KIF2A: variants seen among roughly 807,000 people sequenced by gnomAD.
The protein encoded by KIF2A is kinesin-like protein KIF2A.
In KIF2A, 22 loss-of-function variants were observed where a neutral mutation model predicts 100.2. The ratio of observed to expected loss-of-function variants is 0.22; its 90% CI spans 0.16 to 0.31. The LOEUF is 0.31. KIF2A is among the 10% of genes least tolerant of loss of function. KIF2A has a pLI of 1.00. For missense variants in KIF2A, 495 were observed against 898.7 expected (o/e 0.55, Z 5.74); for synonymous variants, 268 against 285.9 (o/e 0.94, Z 0.63).
At chr5:62,351,106 C>T (rs1747832008) in intron 4 of KIF2A, among the ~76,000 whole-genome samples, 2 of 151,804 alleles carry the variant, frequency 1.3e-5, no homozygotes, top group African/African-American at 2.4e-5. Context: ...GTGACACATA[C>T]CTGTAGTCTC....
intron 1 of KIF2A, among the ~76,000 whole-genome samples, chr5:62,321,355 G>C (rs950621672): frequency 3.3e-5 from 5 of 152,032 alleles, no homozygotes; most frequent in African/African-American, 1.2e-4. Flanking sequence ...TTCAAAAGTG[G>C]CTATATTATT....
chr5:62,389,532 A>G lies in KIF2A; in HGVS notation c.*3963A>G, dbSNP rs190295071. Among the ~76,000 whole-genome samples, 56 of 150,612 alleles carry G rather than the reference A, an allele frequency of 3.7e-4. No homozygotes were observed. The highest frequency in any genetic ancestry group is 1.3e-4 in the Non-Finnish European group (9 of 67,830). On this transcript the variant is annotated 3_prime_UTR_variant, in exon 21 of 21. Transcript: ENST00000407818. ...GTTATTGTCTGACTAAATTTATAAGATATGTATTGGTTAAAACCATGCCAT... is the reference window on the plus strand; with the variant it reads ...GTTATTGTCTGACTAAATTTATAAGGTATGTATTGGTTAAAACCATGCCAT...
chr5:62,349,072 C>T (rs1298779467), intron 3 of KIF2A, among the ~76,000 whole-genome samples: 56 of 152,010 alleles, frequency 3.7e-4, no homozygotes, highest in Non-Finnish European at 2.9e-5. Flanking sequence ...TGAGAGTCAC[C>T]ACTTAGAGGT....
intron 20 of KIF2A, 35 bp downstream of exon 20, chr5:62,381,288 A>G: frequency 6.4e-7 from 1 of 1,574,538 alleles, no homozygotes; most frequent in South Asian, 1.1e-5. Flanking sequence ...TTGAAATCTG[A>G]TTGGTATTGG....
chr5:62,334,266 C>G lies in KIF2A; in HGVS notation c.65-12864C>G, dbSNP rs567875349. 5.3e-5 allele frequency among the ~76,000 whole-genome samples: 8 copies of G among 152,104 alleles called. No homozygotes were observed. In the East Asian group the frequency reaches 1.6e-3, roughly 29 times the overall value. Reference sequence around the variant, plus strand: ...TGACTCACCTGGGCATTAGTGAGGGCCTGAGCCTGGACTTGGGTCCAGGTC... The same window carrying G: ...TGACTCACCTGGGCATTAGTGAGGGGCTGAGCCTGGACTTGGGTCCAGGTC... On this transcript the variant is annotated intron_variant, in intron 1 of 20. Coordinates refer to ENST00000407818, the MANE Select transcript of KIF2A (RefSeq NM_001098511.3).
chr5:62,351,013 C>T (rs182405511), intron 4 of KIF2A, among the ~76,000 whole-genome samples: 6 of 152,106 alleles, frequency 3.9e-5, no homozygotes, highest in African/African-American at 9.6e-5. Flanking sequence ...GGGCAGATAA[C>T]CTGAGGTCAG....
chr5:62,341,514 C>G (rs903233247), intron 1 of KIF2A, among the ~76,000 whole-genome samples: 1 of 151,996 alleles, frequency 6.6e-6, no homozygotes, highest in East Asian at 1.9e-4. Context: ...TGTTGCCAAC[C>G]TAGTCTCAAA....
chr5:62,390,378 C>A lies in KIF2A; in HGVS notation c.*4809C>A, dbSNP rs1045413070. On this transcript the variant is annotated 3_prime_UTR_variant, in exon 21 of 21. Transcript: ENST00000407818. ...GAAGTGTAGAACTTGCTTCAGGCTACAAAACTGTATTATTCCTAAATGGAT... is the reference window on the plus strand; with the variant it reads ...GAAGTGTAGAACTTGCTTCAGGCTAAAAAACTGTATTATTCCTAAATGGAT... Among the ~76,000 whole-genome samples, 25 of 152,038 alleles carry A rather than the reference C, an allele frequency of 1.6e-4. No homozygotes were observed. The highest frequency in any genetic ancestry group is 5.8e-4 in the African/African-American group (24 of 41,376).
intron 1 of KIF2A, among the ~76,000 whole-genome samples, chr5:62,320,661 G>A (rs533786616): frequency 6.6e-6 from 1 of 151,896 alleles, no homozygotes; most frequent in Admixed American, 6.6e-5. Flanking sequence ...CTAAGTTCTG[G>A]TGTTTATCTG....
At chr5:62,323,408 A>G (rs1746208289) in intron 1 of KIF2A, among the ~76,000 whole-genome samples, 1 of 151,982 alleles carries the variant, frequency 6.6e-6, no homozygotes, top group Non-Finnish European at 1.5e-5. Context: ...CTGTAGTCCT[A>G]GCTACTTGGG....
rs1385111481 is a variant in KIF2A, at chr5:62,385,664, G to T, written c.*95G>T. 2 of 817,282 alleles carry T rather than the reference G, an allele frequency of 2.4e-6. No homozygotes were observed. The highest frequency in any genetic ancestry group is 4.0e-6 in the Non-Finnish European group (2 of 501,888). 50.6% of individuals were successfully genotyped at this position (817,282 alleles called of 1,614,324 possible). On this transcript the variant is annotated 3_prime_UTR_variant, in exon 21 of 21. Coordinates refer to ENST00000407818, the MANE Select transcript of KIF2A (RefSeq NM_001098511.3). The stretch of plus-strand genomic sequence containing the variant: ...GCCATTTGAAAGTTTGGAATTTTAA[G>T]TGTCTGTGGAAAATGTTTTGTCCTT...
At chr5:62,338,687 A>T (rs928405239) in intron 1 of KIF2A, among the ~76,000 whole-genome samples, 5 of 152,260 alleles carry the variant, frequency 3.3e-5, no homozygotes, top group Admixed American at 2.6e-4. Context: ...AAAATCCATA[A>T]TGGAAAAACA....
intron 1 of KIF2A, among the ~76,000 whole-genome samples, chr5:62,328,947 C>T (rs575123631): frequency 8.1e-4 from 123 of 152,230 alleles, no homozygotes; most frequent in Admixed American, 3.3e-3. Context: ...TCAACAGATC[C>T]GAAGTTTCCC....
At chr5:62,376,752 T>C (rs756755324) in intron 18 of KIF2A, among the ~76,000 whole-genome samples, 27 of 152,074 alleles carry the variant, frequency 1.8e-4, no homozygotes, top group Admixed American at 2.0e-4. Flanking sequence ...TTTTGTTTTG[T>C]TTTGTTTTTT....
intron 1 of KIF2A, among the ~76,000 whole-genome samples, chr5:62,338,868 C>T (rs904882306): frequency 6.6e-6 from 1 of 152,004 alleles, no homozygotes; most frequent in Non-Finnish European, 1.5e-5. Context: ...CAAAGAGGCC[C>T]CAACACTCAA....
chr5:62,319,144 A>T (rs912212359), intron 1 of KIF2A, among the ~76,000 whole-genome samples: 3 of 145,008 alleles, frequency 2.1e-5, no homozygotes, highest in African/African-American at 7.7e-5. Flanking sequence ...CTCTCTACCT[A>T]GGAGAGTAAT....
At chr5:62,326,974 AC>A (rs1746411419) in intron 1 of KIF2A, among the ~76,000 whole-genome samples, 1 of 152,138 alleles carries the variant, frequency 6.6e-6, no homozygotes, top group Admixed American at 6.5e-5. Context: ...CAAAGAAAAA[AC>A]AAAAACCTCT....
rs750939843 is a variant in KIF2A, at chr5:62,381,168, A to G, written c.2064A>G (p.Glu688=). 7 of 1,609,456 alleles carry G rather than the reference A, an allele frequency of 4.3e-6. No homozygotes were observed. The Admixed American group carries it at 1.2e-4, about 27-fold the overall frequency. The change falls in exon 20 of 21, where the codon GAA becomes GAG. Residue 688 remains glutamate (E), a synonymous_variant. Transcript: ENST00000407818. ...EDEKALLEMT[E]EVDYDVDSYA... ...AAAAGGCCCTCTTAGAGATGACTGA[A>G]GAAGTAGATTATGATGTCGATTCAT...
chr5:62,366,490 G>T lies in KIF2A; in HGVS notation c.1646+9G>T. The T allele has an allele frequency of 6.7e-7, 1 of 1,499,740 alleles. No individual in the cohort carries two copies. Among genetic ancestry groups the T allele is most frequent in the Non-Finnish European group, 9.2e-7 (1 of 1,089,294 alleles). The allele number at this position is 1,499,740 out of a possible 1,614,324, so 92.9% of individuals were successfully genotyped here. A position where few individuals can be genotyped will look rare whatever the true frequency, so the allele number is the denominator to read the frequency against. ...TTAAGATATGCAAATAGGTATGAGA[G>T]ATAGTTCTCCATTTTGAAATTTGAG... On this transcript the variant is annotated intron_variant, in intron 16 of 20. Coordinates refer to ENST00000407818, the MANE Select transcript of KIF2A (RefSeq NM_001098511.3).
Sources: allele counts gnomAD v4.1 joint callset (sites outside exome capture counted in the v4.1 genomes callset), GRCh38; gene constraint gnomAD v4.1.1; transcripts MANE v1.5; gene names NCBI Gene and HGNC (gene_info 2026-07-23, HGNC 2026-07-21).